Variants in EPB41 observed in about 807,000 individuals in gnomAD.
EPB41 encodes erythrocyte membrane protein band 4.1.
EPB41 carries 65 observed loss-of-function variants against 108.0 expected under a neutral mutation model. That is an observed-to-expected ratio of 0.60 (90% CI 0.49 to 0.74). EPB41 has a LOEUF of 0.74. Ranked by LOEUF, EPB41 falls within the 30% of genes least tolerant of loss-of-function variation. The probability of loss-of-function intolerance (pLI) is 0.00; values close to 1 mark genes in which losing one functional copy is unlikely to be tolerated. For missense variants in EPB41, 875 were observed against 1,037.0 expected (o/e 0.84, Z 2.15); for synonymous variants, 336 against 358.9 (o/e 0.94, Z 0.72).
At position 29,118,106 on chromosome 1, in the gene EPB41, C is replaced by G. The variant is rs1010079157; in HGVS notation, c.*1294C>G. On this transcript the variant is annotated 3_prime_UTR_variant, in exon 21 of 21. Coordinates refer to ENST00000343067, the MANE Select transcript of EPB41 (RefSeq NM_001376013.1). ...CCTAATTCCTGGTAAGGATTTGGGG[C>G]ATAGTTTTTTGTTTTTTTGAGACGG... 6.6e-6 allele frequency: 1 copy of G among 152,052 alleles called. No homozygotes were observed. The highest frequency in any genetic ancestry group is 6.6e-5 in the Admixed American group (1 of 15,248). The allele number at this position is 152,052 out of a possible 1,614,324, so 9.4% of individuals were successfully genotyped here.
intron 5 of EPB41, 134 bp from the exon 6 acceptor site, chr1:29,015,558 G>A: frequency 1.6e-6 from 1 of 638,628 alleles, no homozygotes; most frequent in Non-Finnish European, 2.7e-6. Flanking sequence ...TGGGCAACAA[G>A]AGTGAGACTC....
intron 10 of EPB41, among the ~76,000 whole-genome samples, chr1:29,038,651 G>A (rs1640379741): frequency 6.6e-6 from 1 of 152,174 alleles, no homozygotes; most frequent in Admixed American, 6.5e-5. Context: ...TTTACTCCTA[G>A]AGAATTCAGT....
intron 12 of EPB41, among the ~76,000 whole-genome samples, chr1:29,057,084 G>C (rs1403668723): frequency 1.3e-5 from 2 of 151,794 alleles, no homozygotes; most frequent in Non-Finnish European, 2.9e-5. Context: ...AAGTAGAAAT[G>C]ACCCAAAACC....
chr1:28,942,284 G>A (rs2094319125), intron 1 of EPB41, among the ~76,000 whole-genome samples: 1 of 152,020 alleles, frequency 6.6e-6, no homozygotes, highest in South Asian at 2.1e-4. Context: ...GATCCCACAG[G>A]TTGAGGGCTC....
At chr1:29,026,913 G>A (rs2096726130) in intron 7 of EPB41, among the ~76,000 whole-genome samples, 1 of 151,956 alleles carries the variant, frequency 6.6e-6, no homozygotes, top group African/African-American at 2.4e-5. Context: ...CCAATATGGT[G>A]AAACCCCATC....
intron 1 of EPB41, among the ~76,000 whole-genome samples, chr1:28,915,496 C>T (rs1415089237): frequency 6.6e-6 from 1 of 151,784 alleles, no homozygotes; most frequent in Admixed American, 6.6e-5. Flanking sequence ...GGAGGTTTTG[C>T]CAAAACAGGT....
intron 1 of EPB41, among the ~76,000 whole-genome samples, chr1:28,892,655 C>T (rs1027535054): frequency 3.3e-5 from 5 of 151,762 alleles, no homozygotes; most frequent in African/African-American, 1.2e-4. Flanking sequence ...GCGGAGGTTG[C>T]GCCATTGCAC....
At chr1:29,092,944 A>G (rs948997474) in intron 16 of EPB41, among the ~76,000 whole-genome samples, 5 of 152,060 alleles carry the variant, frequency 3.3e-5, no homozygotes, top group African/African-American at 7.2e-5. Context: ...TTCTTTATCT[A>G]ATTTGCGATT....
chr1:29,070,259 A>G (rs1340332222), intron 16 of EPB41: 2 of 907,180 alleles, frequency 2.2e-6, no homozygotes, highest in Non-Finnish European at 2.9e-6. Flanking sequence ...TCTAAAAGAT[A>G]CTTCCAAATC....
intron 4 of EPB41, among the ~76,000 whole-genome samples, chr1:29,010,188 A>T (rs1255163928): frequency 6.6e-6 from 1 of 152,036 alleles, no homozygotes; most frequent in African/African-American, 2.4e-5. Context: ...AATACAAAAA[A>T]ATTAGCCAGG....
At chr1:28,915,902 TG>T (rs1290031895) in intron 1 of EPB41, among the ~76,000 whole-genome samples, 1 of 152,132 alleles carries the variant, frequency 6.6e-6, no homozygotes, top group Non-Finnish European at 1.5e-5. Flanking sequence ...TGCTCATTGT[TG>T]TTTTCTGTAT....
intron 5 of EPB41, among the ~76,000 whole-genome samples, chr1:29,015,209 A>T (rs1420283356): frequency 2.0e-5 from 3 of 152,178 alleles, no homozygotes; most frequent in African/African-American, 7.2e-5. Context: ...TCTTCTTTTT[A>T]AAAAATTGCT....
At chr1:29,043,595 G>A (rs1238462638) in intron 11 of EPB41, among the ~76,000 whole-genome samples, 2 of 152,202 alleles carry the variant, frequency 1.3e-5, no homozygotes, top group African/African-American at 4.8e-5. Context: ...CTAGATTCCA[G>A]AAAATGAAGG....
At chr1:28,948,366 A>T (rs1228295062) in intron 1 of EPB41, among the ~76,000 whole-genome samples, 2 of 151,934 alleles carry the variant, frequency 1.3e-5, no homozygotes, top group African/African-American at 4.8e-5. Context: ...AAAATTAGCC[A>T]GGCGCGGTGG....
intron 1 of EPB41, among the ~76,000 whole-genome samples, chr1:28,978,186 C>G (rs559441713): frequency 6.6e-6 from 1 of 151,240 alleles, no homozygotes; most frequent in African/African-American, 2.5e-5. Flanking sequence ...TTCTTATGTT[C>G]GGCTTGTTTT....
chr1:29,032,097 T>TAA (rs76135314), intron 8 of EPB41, among the ~76,000 whole-genome samples: 84 of 128,028 alleles, frequency 6.6e-4, no homozygotes, highest in East Asian at 2.4e-3. Context: ...GACTCTGTCT[T>TAA]AAAAAAAAAA....
At chr1:28,887,147 T>A (rs1445258870), upstream of EPB41, 1 of 1,069,634 alleles carries the variant, frequency 9.3e-7, no homozygotes, top group Non-Finnish European at 1.3e-6. The surrounding 1 kb of genome is among the most constrained non-coding windows in gnomAD (Gnocchi z 4.9). Flanking sequence ...AGGAACCTCT[T>A]AAAGGGCGAG....
chr1:29,004,599 A>G (rs560037104), intron 4 of EPB41, among the ~76,000 whole-genome samples: 6 of 152,354 alleles, frequency 3.9e-5, no homozygotes, highest in Non-Finnish European at 7.3e-5. Context: ...ACGAAGGGGA[A>G]TTTTGTAAAT....
intron 2 of EPB41, among the ~76,000 whole-genome samples, chr1:28,992,581 C>G (rs2149599094): frequency 6.6e-6 from 1 of 152,232 alleles, no homozygotes; most frequent in South Asian, 2.1e-4. Flanking sequence ...CCCAGCTATT[C>G]AGGAGGCCCA....
Sources: gnomAD v4.1 joint callset for allele counts (sites outside exome capture counted in the v4.1 genomes callset) on GRCh38, gnomAD v4.1.1 for gene constraint, Gnocchi (gnomAD v3.1) non-coding constraint, MANE v1.5 for transcripts, NCBI Gene and HGNC (gene_info 2026-07-23, HGNC 2026-07-21) for gene names.